The following MAML3 variants were observed in gnomAD, a reference collection of about 807,000 sequenced individuals.
The protein encoded by MAML3 is mastermind-like protein 3.
A neutral mutation model predicts 101.9 loss-of-function variants in MAML3; 27 were observed. That is an observed-to-expected ratio of 0.27 (90% CI 0.20 to 0.37). The LOEUF (loss-of-function observed/expected upper bound fraction) is 0.37. Among genes scored for constraint, MAML3 ranks in the 10% least tolerant of loss-of-function variants. The probability of loss-of-function intolerance (pLI) is 1.00; values close to 1 mark genes in which losing one functional copy is unlikely to be tolerated. For synonymous variants in MAML3, 501 were observed against 555.9 expected, an observed-to-expected ratio of 0.90 and a Z score of 1.39; for missense variants, 1,316 against 1,444.9, an observed-to-expected ratio of 0.91 and a Z score of 1.45.
At chr4:140,061,961 G>A (rs1475078631) in intron 1 of MAML3, among the ~76,000 whole-genome samples, 1 of 152,154 alleles carries the variant, frequency 6.6e-6, no homozygotes, top group Non-Finnish European at 1.5e-5. Flanking sequence ...TGTCTAGAAA[G>A]TCACTAAGAA....
chr4:139,805,125 G>C (rs1024756484), intron 2 of MAML3, among the ~76,000 whole-genome samples: 1 of 152,138 alleles, frequency 6.6e-6, no homozygotes, highest in Non-Finnish European at 1.5e-5. Flanking sequence ...CGGAGGTTGC[G>C]GTGAGCCGAG....
chr4:139,988,326 CAAAAAA>C (rs764018702), intron 1 of MAML3, among the ~76,000 whole-genome samples: 2 of 81,954 alleles, frequency 2.4e-5, no homozygotes, highest in Non-Finnish European at 4.6e-5. Context: ...GACTCCGTCT[CAAAAAA>C]AAAAAAAAAA....
At chr4:139,874,079 G>C (rs1185464313) in intron 2 of MAML3, among the ~76,000 whole-genome samples, 1 of 152,150 alleles carries the variant, frequency 6.6e-6, no homozygotes, top group African/African-American at 2.4e-5. Flanking sequence ...GTTATAAAAT[G>C]TTCAGGTAAA....
intron 2 of MAML3, among the ~76,000 whole-genome samples, chr4:139,808,079 G>C (rs558700203): frequency 2.0e-5 from 3 of 152,312 alleles, no homozygotes; most frequent in African/African-American, 7.2e-5. Context: ...GCACAATGCT[G>C]AGAACAGCTA....
At chr4:139,757,717 T>C (rs1729681386) in intron 2 of MAML3, among the ~76,000 whole-genome samples, 1 of 151,852 alleles carries the variant, frequency 6.6e-6, no homozygotes, top group Non-Finnish European at 1.5e-5. Flanking sequence ...CAGCCTCATC[T>C]GTTGAGGGCC....
chr4:139,757,099 G>C (rs1316876059), intron 2 of MAML3, among the ~76,000 whole-genome samples: 1 of 152,090 alleles, frequency 6.6e-6, no homozygotes, highest in Non-Finnish European at 1.5e-5. Flanking sequence ...GAGCCAGGGG[G>C]ATCATCCTAG....
intron 1 of MAML3, among the ~76,000 whole-genome samples, chr4:140,052,355 T>A (rs1727282180): frequency 6.6e-6 from 1 of 152,060 alleles, no homozygotes. Context: ...ACATTTTCAT[T>A]CTTTTCCATA....
At chr4:140,089,160 G>T (rs997603667) in intron 1 of MAML3, among the ~76,000 whole-genome samples, 3 of 152,182 alleles carry the variant, frequency 2.0e-5, no homozygotes, top group African/African-American at 7.2e-5. Flanking sequence ...CACCAGCAAA[G>T]ATATGGATGT....
intron 2 of MAML3, among the ~76,000 whole-genome samples, chr4:139,815,516 A>G (rs1253381223): frequency 6.6e-6 from 1 of 152,246 alleles, no homozygotes; most frequent in Non-Finnish European, 1.5e-5. Flanking sequence ...TCAAGATTAC[A>G]GATAATAACT....
intron 1 of MAML3, among the ~76,000 whole-genome samples, chr4:140,104,489 TTG>T (rs1728317550): frequency 5.1e-5 from 6 of 117,888 alleles, no homozygotes; most frequent in Non-Finnish European, 1.1e-4. Flanking sequence ...TTTTTTTTTT[TTG>T]AGAGAAGGTC....
At chr4:139,902,551 A>G (rs561094642) in intron 1 of MAML3, among the ~76,000 whole-genome samples, 50 of 152,292 alleles carry the variant, frequency 3.3e-4, no homozygotes, top group African/African-American at 1.1e-3. Flanking sequence ...ACCCACAGAC[A>G]GACAGGCACG....
At chr4:140,049,566 T>C (rs1727234697) in intron 1 of MAML3, among the ~76,000 whole-genome samples, 1 of 152,162 alleles carries the variant, frequency 6.6e-6, no homozygotes, top group African/African-American at 2.4e-5. Flanking sequence ...CAAGGCTTAA[T>C]CAGGGTGTTA....
chr4:139,791,905 C>T (rs1355186570), intron 2 of MAML3, among the ~76,000 whole-genome samples: 1 of 152,228 alleles, frequency 6.6e-6, no homozygotes, highest in Non-Finnish European at 1.5e-5. Context: ...CTTCCCAGAA[C>T]AGCCCACTGC....
chr4:140,117,510 G>A (rs1027648573), intron 1 of MAML3, among the ~76,000 whole-genome samples: 3 of 151,950 alleles, frequency 2.0e-5, no homozygotes, highest in African/African-American at 7.3e-5. Context: ...ACAAAGCAAG[G>A]GATTCCAAAT....
intron 1 of MAML3, among the ~76,000 whole-genome samples, chr4:139,892,496 T>G (rs549340012): frequency 6.6e-6 from 1 of 152,232 alleles, no homozygotes; most frequent in South Asian, 2.1e-4. Flanking sequence ...GCAGCCATCT[T>G]CTAACTCGTC....
chr4:140,070,542 A>G (rs747381064), intron 1 of MAML3, among the ~76,000 whole-genome samples: 2 of 152,202 alleles, frequency 1.3e-5, no homozygotes, highest in Non-Finnish European at 2.9e-5. Context: ...AAGGCAGACA[A>G]ACTGCCTTGT....
intron 4 of MAML3, among the ~76,000 whole-genome samples, chr4:139,720,869 C>A (rs1728206293): frequency 6.6e-6 from 1 of 152,152 alleles, no homozygotes. Context: ...AGAATACTAT[C>A]AATAAAGACC....
At position 139,738,172 on chromosome 4, in the gene MAML3, G is replaced by A. The variant is rs72946557; in HGVS notation, c.2080-7505C>T. Among the ~76,000 whole-genome samples, 1,072 of 152,358 alleles carry A rather than the reference G, an allele frequency of 7.0e-3. 10 individuals carry two copies. Among genetic ancestry groups the A allele is most frequent in the African/African-American group, 0.024 (1,005 of 41,586 alleles). On this transcript the variant is annotated intron_variant, in intron 2 of 4. Coordinates refer to ENST00000509479, the MANE Select transcript of MAML3 (RefSeq NM_018717.5). ...CTTACTGCCGAAACCTCTTGATCAT[G>A]CAGGGCATCCTTCAGGGTGAGGGAA... is the stretch of plus-strand genomic sequence containing the variant.
chr4:140,096,021 A>G (rs1728155884), intron 1 of MAML3, among the ~76,000 whole-genome samples: 1 of 152,190 alleles, frequency 6.6e-6, no homozygotes, highest in Non-Finnish European at 1.5e-5. Flanking sequence ...GCAGGTTCTC[A>G]GCAATTGGGA....
Sources: allele counts gnomAD v4.1 joint callset (sites outside exome capture counted in the v4.1 genomes callset), GRCh38; gene constraint gnomAD v4.1.1; transcripts MANE v1.5; gene names NCBI Gene and HGNC (gene_info 2026-07-23, HGNC 2026-07-21).